The following MARCO variants were observed in gnomAD, a reference collection of about 807,000 sequenced individuals.
MARCO encodes macrophage receptor MARCO.
MARCO carries 72 observed loss-of-function variants against 70.0 expected under a neutral mutation model. The observed-to-expected ratio is 1.03, with a 90% CI of 0.85 to 1.25. MARCO has a LOEUF of 1.25. Ranked by LOEUF, MARCO falls within the 50% of genes most tolerant of loss-of-function variation. The probability of loss-of-function intolerance (pLI) is 0.00; values close to 1 mark genes in which losing one functional copy is unlikely to be tolerated. For synonymous variants in MARCO, 273 were observed against 243.1 expected, an observed-to-expected ratio of 1.12 and a Z score of -1.14; for missense variants, 696 against 659.3, an observed-to-expected ratio of 1.06 and a Z score of -0.61.
At position 118,951,145 on chromosome 2, in the gene MARCO, T is replaced by G. The variant is rs1679715248; in HGVS notation, c.97+8748T>G. On this transcript the variant is annotated intron_variant, in intron 1 of 16. Transcript: ENST00000327097. ...TCCTAACTCTGCTTCTACAAGAGTT[T>G]CCTTATCACTTACTGAATACCCATT... is the stretch of plus-strand genomic sequence containing the variant. Among the ~76,000 whole-genome samples the G allele has an allele frequency of 2.0e-5, 3 of 152,326 alleles. No individual in the cohort carries two copies. In the South Asian group the frequency reaches 6.2e-4, roughly 32 times the overall value.
chr2:118,992,363 A>G (rs921851549), intron 14 of MARCO, 69 bp from the exon 15 acceptor site: 7 of 1,330,766 alleles, frequency 5.3e-6, no homozygotes, highest in Middle Eastern at 1.8e-4. Flanking sequence ...CTCCCCACTC[A>G]TGCAAATGCA....
intron 2 of MARCO, 39 bp downstream of exon 2, chr2:118,969,300 G>GC: frequency 6.4e-7 from 1 of 1,555,892 alleles, no homozygotes; most frequent in Non-Finnish European, 8.9e-7. Flanking sequence ...CTCCTGGGGG[G>GC]AGAGGGGTGA....
intron 12 of MARCO, 21 bp from the exon 13 acceptor site, chr2:118,990,568 C>CGGG: frequency 1.3e-6 from 2 of 1,583,644 alleles, no homozygotes; most frequent in African/African-American, 1.3e-5. Flanking sequence ...CTCCCCCCCC[C>CGGG]CTTTTTTGTT....
Position 118,992,456 on chromosome 2 carries a change from A to G in MARCO, c.1232A>G (p.Lys411Arg). Reference protein sequence around the residue: ...VKGSSGEQGVKGEKGERGENS... With the variant: ...VKGSSGEQGVRGEKGERGENS... ...GGATCTTCTGGGGAGCAAGGAGTAA[A>G]GGGAGAAAAAGGTGAAAGAGGTAAT... The change falls in exon 15 of 17, where the codon AAG (lysine) becomes AGG (arginine). Residue 411 changes from lysine to arginine, a missense_variant. Physicochemically the swap from Lys to Arg is conservative, Grantham distance 26. This residue lies in a region of MARCO where 605 missense variants were observed against 537.6 expected (regional missense o/e 1.13). Transcript: ENST00000327097. 6.2e-7 allele frequency: 1 copy of G among 1,613,704 alleles called. No homozygotes were observed. The highest frequency in any genetic ancestry group is 8.5e-7 in the Non-Finnish European group (1 of 1,179,588).
chr2:118,988,513 T>C (rs924534531), intron 12 of MARCO, among the ~76,000 whole-genome samples: 1 of 152,076 alleles, frequency 6.6e-6, no homozygotes, highest in African/African-American at 2.4e-5. Flanking sequence ...TGGCCCCTTC[T>C]ATCTGCATCC....
Position 118,986,697 on chromosome 2 carries a change from GAAAGAAAGAAAGAAAGAAAGAA to G in MARCO, c.1064-3890_1064-3869del, listed in dbSNP as rs1558671916. 8.0e-3 allele frequency among the ~76,000 whole-genome samples: 589 copies of G among 73,856 alleles called. 65 individuals carry two copies. The highest frequency in any genetic ancestry group is 0.077 in the East Asian group (81 of 1,046). The allele number at this position is 73,856 out of a possible 152,430, so 48.5% of individuals were successfully genotyped here. Reference sequence around the variant, plus strand: ...GGAAAGAAAGAAAGAAAGAAAGAAAGAAAGAAAGAAAGAAAGAAAGAAAGAAAAGAAAGAAAGAAAGAGAAAG... The same window carrying G: ...GGAAAGAAAGAAAGAAAGAAAGAAAGAGAAAAGAAAGAAAGAAAGAGAAAG... On this transcript the variant is annotated intron_variant, in intron 12 of 16. Coordinates refer to ENST00000327097, the MANE Select transcript of MARCO (RefSeq NM_006770.4).
chr2:118,967,976 C>A (rs931723953), intron 1 of MARCO, among the ~76,000 whole-genome samples: 5 of 152,192 alleles, frequency 3.3e-5, no homozygotes, highest in South Asian at 4.1e-4. Flanking sequence ...TGAAGCTAGA[C>A]CAACCTGGGG....
chr2:118,990,317 G>A (rs1158898184), intron 12 of MARCO, among the ~76,000 whole-genome samples: 1 of 152,164 alleles, frequency 6.6e-6, no homozygotes, highest in Non-Finnish European at 1.5e-5. Context: ...GGTTACCGGG[G>A]GGCAGGGAAG....
intron 3 of MARCO, among the ~76,000 whole-genome samples, chr2:118,971,026 A>G (rs982051380): frequency 3.3e-5 from 5 of 152,190 alleles, no homozygotes; most frequent in African/African-American, 1.2e-4. Context: ...CAGGAGGCCA[A>G]TCCCTCCAGA....
intron 1 of MARCO, among the ~76,000 whole-genome samples, chr2:118,954,866 G>A (rs930526993): frequency 8.5e-5 from 13 of 152,166 alleles, no homozygotes; most frequent in Admixed American, 3.3e-4. Context: ...CAGGAAAACA[G>A]GAAGAATACT....
intron 8 of MARCO, 112 bp from the exon 9 acceptor site, chr2:118,981,297 G>T: frequency 2.8e-6 from 2 of 715,376 alleles, no homozygotes; most frequent in Non-Finnish European, 4.8e-6. Context: ...CCAAGTAGGA[G>T]CTCAAGGAGT....
chr2:118,990,659 C>T (rs2104612058), intron 13 of MARCO, 26 bp downstream of exon 13: 6 of 1,552,072 alleles, frequency 3.9e-6, no homozygotes, highest in Non-Finnish European at 5.3e-6. Context: ...CATCTTCATC[C>T]CTCGGAGTGA....
intron 6 of MARCO, 119 bp from the exon 7 acceptor site, chr2:118,977,352 G>T: frequency 1.2e-6 from 1 of 813,778 alleles, no homozygotes; most frequent in South Asian, 1.5e-5. Flanking sequence ...GTGAGAGAGA[G>T]AGAAAGATCT....
intron 3 of MARCO, 81 bp from the exon 4 acceptor site, chr2:118,971,418 C>T (rs915273839): frequency 1.4e-6 from 2 of 1,396,710 alleles, no homozygotes; most frequent in African/African-American, 1.4e-5. Flanking sequence ...CCTCCCACTG[C>T]AGAACCTGGG....
intron 1 of MARCO, among the ~76,000 whole-genome samples, chr2:118,958,704 G>A (rs1266968341): frequency 1.3e-5 from 2 of 151,918 alleles, no homozygotes; most frequent in African/African-American, 4.8e-5. Context: ...GCCAAAACAA[G>A]ACTAAGCAAA....
At chr2:118,976,910 G>C (rs1484211770) in intron 6 of MARCO, among the ~76,000 whole-genome samples, 3 of 152,138 alleles carry the variant, frequency 2.0e-5, no homozygotes, top group Non-Finnish European at 4.4e-5. Flanking sequence ...CCTGAGACTG[G>C]GTAATTTACA....
rs190830853 is a variant in MARCO at position 118,950,179 on chromosome 2, C to G, written c.97+7782C>G. Among the ~76,000 whole-genome samples, 449 of 152,244 alleles carry G rather than the reference C, an allele frequency of 2.9e-3. 2 individuals are homozygous for G. The highest frequency in any genetic ancestry group is 9.8e-3 in the African/African-American group (407 of 41,546). On this transcript the variant is annotated intron_variant, in intron 1 of 16. Transcript: ENST00000327097. ...AAATTTTACCTTTATATGAGTGTGTCATTAATGTTAAATTTAATTTTAATA... is the reference window on the plus strand; with the variant it reads ...AAATTTTACCTTTATATGAGTGTGTGATTAATGTTAAATTTAATTTTAATA...
intron 15 of MARCO, 110 bp from the exon 16 acceptor site, chr2:118,993,014 G>T (rs1680651259): frequency 1.0e-6 from 1 of 969,898 alleles, no homozygotes; most frequent in Admixed American, 2.3e-5. Flanking sequence ...TCAAGCAGGG[G>T]CATTTCTTTT....
chr2:118,959,112 G>T (rs1486856058), intron 1 of MARCO, among the ~76,000 whole-genome samples: 1 of 152,064 alleles, frequency 6.6e-6, no homozygotes, highest in Non-Finnish European at 1.5e-5. Flanking sequence ...AAAAGTAAAT[G>T]CAATAAAAAC....
Sources: gnomAD v4.1 joint callset for allele counts (sites outside exome capture counted in the v4.1 genomes callset) on GRCh38, gnomAD v4.1.1 for gene constraint, gnomAD v4.1.1 regional missense constraint, MANE v1.5 for transcripts, NCBI Gene and HGNC (gene_info 2026-07-23, HGNC 2026-07-21) for gene names.